Variants in USP24 observed in about 807,000 individuals in gnomAD.
USP24 encodes ubiquitin specific peptidase 24.
USP24 carries 97 observed loss-of-function variants against 361.6 expected under a neutral mutation model. That is an observed-to-expected ratio of 0.27 (90% CI 0.23 to 0.32). The LOEUF (loss-of-function observed/expected upper bound fraction) is 0.32, where lower values mean the gene tolerates loss of function less well. Among genes scored for constraint, USP24 ranks in the 10% least tolerant of loss-of-function variants. The probability of loss-of-function intolerance (pLI) is 1.00; values close to 1 mark genes in which losing one functional copy is unlikely to be tolerated. For missense variants in USP24, 2,353 were observed against 3,165.6 expected (o/e 0.74, Z 6.16); for synonymous variants, 1,098 against 1,124.6 (o/e 0.98, Z 0.47).
At chr1:55,110,663 T>C (rs972513659) in intron 38 of USP24, among the ~76,000 whole-genome samples, 3 of 152,134 alleles carry the variant, frequency 2.0e-5, no homozygotes, top group Non-Finnish European at 4.4e-5. Context: ...AGTGGTAATA[T>C]GCACAAAGAA....
At chr1:55,117,205 T>A (rs1557585562) in intron 38 of USP24, among the ~76,000 whole-genome samples, 1 of 152,154 alleles carries the variant, frequency 6.6e-6, no homozygotes, top group East Asian at 1.9e-4. Context: ...AAGCCAGATA[T>A]GAAAAACTCA....
intron 34 of USP24, among the ~76,000 whole-genome samples, chr1:55,125,114 CTT>C (rs2307832): frequency 0.65 from 99,120 of 151,838 alleles, 35,669 homozygotes; most frequent in East Asian, 0.91. Flanking sequence ...ACACAGAATG[CTT>C]TGTCTTGTAG....
intron 12 of USP24, among the ~76,000 whole-genome samples, chr1:55,156,671 C>T (rs1378177567): frequency 1.3e-5 from 2 of 151,932 alleles, no homozygotes; most frequent in African/African-American, 2.4e-5. Context: ...AGACACACAC[C>T]TATTCCTAGC....
rs769967102 is a variant in USP24 at position 55,124,619 on chromosome 1, C to T, written c.3970G>A (p.Val1324Ile). ...AARVAIQTME[V>I]SDFTSTVACF... ...GCCACAGTAGAAGTGAAATCACTTA[C>T]TTCCATTGTCTAAAGAATGGAACAA... Residue 1324 changes from valine to isoleucine, a missense_variant, in exon 35 of 68, where the codon GTA (valine) becomes ATA (isoleucine). Val to Ile is a conservative substitution (Grantham distance 29). Around this residue, in one of 8 missense-constraint regions of USP24, gnomAD observed 949 missense variants for 1,280.5 expected, o/e 0.74. Transcript: ENST00000294383. The T allele has an allele frequency of 6.2e-7, 1 of 1,613,850 alleles. No individual in the cohort carries two copies. Among genetic ancestry groups the T allele is most frequent in the Admixed American group, 1.7e-5 (1 of 60,020 alleles).
In USP24 at chr1:55,146,113, T is replaced by C; in HGVS notation, c.2251-4A>G. On this transcript the variant is annotated splice_region_variant and splice_polypyrimidine_tract_variant and intron_variant, in intron 19 of 67. Coordinates refer to ENST00000294383, the MANE Select transcript of USP24 (RefSeq NM_015306.3). ...TTGTAAACCATTCAAAACACATCTG[T>C]GGAATAAGACGAATATCACCCTATA... The C allele has an allele frequency of 6.2e-7, 1 of 1,608,168 alleles. No homozygotes were observed.
chr1:55,159,107 T>C (rs1370588525), intron 9 of USP24, 71 bp from the exon 10 acceptor site: 1 of 1,253,576 alleles, frequency 8.0e-7, no homozygotes, highest in Admixed American at 3.5e-5. Flanking sequence ...TCTTATAACA[T>C]ACACAAGAAT....
intron 1 of USP24, among the ~76,000 whole-genome samples, chr1:55,195,177 C>T (rs1644384716): frequency 6.6e-6 from 1 of 152,206 alleles, no homozygotes; most frequent in South Asian, 2.1e-4. Flanking sequence ...GCAAGGCTCT[C>T]CATCCTCTGA....
chr1:55,164,578 C>CT (rs1648629879), intron 7 of USP24, among the ~76,000 whole-genome samples: 1 of 152,082 alleles, frequency 6.6e-6, no homozygotes, highest in South Asian at 2.1e-4. Flanking sequence ...TCTCCAATGC[C>CT]TGAGTGTTAC....
At position 55,092,111 on chromosome 1, in the gene USP24, G is replaced by A; in HGVS notation, c.6466C>T (p.Pro2156Ser). ...ACCTTTGCCATGCAAGGATAATATG[G>A]ATGCTTTAATTTAGTCTAAGAGAGG... ...ASLNATKLKH[P>S]YYPCMAKVSL... is the part of the protein sequence containing the mutation. Residue 2156 changes from proline (P) to serine (S), a missense_variant, in exon 54 of 68, where the codon CCA (proline) becomes TCA (serine). Physicochemically the swap from Pro to Ser is moderately conservative, Grantham distance 74. Transcript: ENST00000294383. 6.2e-7 allele frequency: 1 copy of A among 1,610,642 alleles called. No individual in the cohort carries two copies. Among genetic ancestry groups the A allele is most frequent in the Non-Finnish European group, 8.5e-7 (1 of 1,178,408 alleles).
intron 1 of USP24, among the ~76,000 whole-genome samples, chr1:55,185,491 G>C (rs1295102694): frequency 1.3e-5 from 2 of 151,874 alleles, no homozygotes; most frequent in Non-Finnish European, 2.9e-5. Context: ...CCTTCAACTA[G>C]ACTGACAAAG....
chr1:55,201,853 T>C (rs1479360862), intron 1 of USP24, among the ~76,000 whole-genome samples: 3 of 152,242 alleles, frequency 2.0e-5, no homozygotes, highest in East Asian at 1.9e-4. Context: ...TCGGAGTCTC[T>C]TGGGACTTGC....
At position 55,192,538 on chromosome 1, in the gene USP24, G is replaced by C. The variant is rs192325776; in HGVS notation, c.325-14406C>G. ...TTAAACAGATTTGTCTATTACTTGTGTATTATAATAAACAATTAGAAACAT... is the reference window on the plus strand; with the variant it reads ...TTAAACAGATTTGTCTATTACTTGTCTATTATAATAAACAATTAGAAACAT... On this transcript the variant is annotated intron_variant, in intron 1 of 67. Coordinates refer to ENST00000294383, the MANE Select transcript of USP24 (RefSeq NM_015306.3). Among the ~76,000 whole-genome samples, 800 of 152,262 alleles carry C rather than the reference G, an allele frequency of 5.3e-3. 7 individuals are homozygous for C. Among genetic ancestry groups the C allele is most frequent in the African/African-American group, 0.019 (771 of 41,558 alleles).
chr1:55,156,799 A>G, intron 12 of USP24, 149 bp downstream of exon 12: 1 of 546,422 alleles, frequency 1.8e-6, no homozygotes, highest in Non-Finnish European at 3.3e-6. Flanking sequence ...CAATCTTAAT[A>G]AAAACCTGAA....
intron 10 of USP24, among the ~76,000 whole-genome samples, chr1:55,158,590 C>T (rs1014056874): frequency 3.9e-5 from 6 of 152,096 alleles, no homozygotes; most frequent in African/African-American, 1.4e-4. Flanking sequence ...CCAACTGTAC[C>T]CTTAGAGCAA....
At chr1:55,071,999 C>T (rs1644930833) in intron 66 of USP24, 75 bp from the exon 67 acceptor site, 5 of 1,301,692 alleles carry the variant, frequency 3.8e-6, no homozygotes, top group Non-Finnish European at 5.4e-6. Context: ...GGGAAGACTA[C>T]CTTTCATCTG....
At chr1:55,105,257 G>A (rs2100525289) in intron 41 of USP24, among the ~76,000 whole-genome samples, 1 of 152,254 alleles carries the variant, frequency 6.6e-6, no homozygotes, top group South Asian at 2.1e-4. Context: ...AAACAGGGCT[G>A]GGGTAGCAAT....
At chr1:55,201,129 A>G (rs1047590207) in intron 1 of USP24, among the ~76,000 whole-genome samples, 3 of 152,226 alleles carry the variant, frequency 2.0e-5, no homozygotes, top group Non-Finnish European at 4.4e-5. Context: ...GGTGTAGGGT[A>G]TTTTAGGCAA....
At chr1:55,142,645 C>G (rs1159057483) in intron 23 of USP24, 97 bp downstream of exon 23, 6 of 893,108 alleles carry the variant, frequency 6.7e-6, no homozygotes, top group African/African-American at 1.7e-5. Flanking sequence ...AGGATCCAGC[C>G]ACAAACATCA....
chr1:55,126,448 T>C (rs1341417546), intron 32 of USP24, among the ~76,000 whole-genome samples: 1 of 152,224 alleles, frequency 6.6e-6, no homozygotes, highest in African/African-American at 2.4e-5. Context: ...ATCTGACACA[T>C]ACTTTTACTT....
Sources: allele counts gnomAD v4.1 joint callset (sites outside exome capture counted in the v4.1 genomes callset), GRCh38; gene constraint gnomAD v4.1.1; regional missense constraint gnomAD v4.1.1; transcripts MANE v1.5; gene names NCBI Gene and HGNC (gene_info 2026-07-23, HGNC 2026-07-21).